The following DARS2 variants were observed in gnomAD, a reference collection of about 807,000 sequenced individuals.
DARS2 encodes aspartyl-tRNA synthetase 2, mitochondrial, also known as aspartate--tRNA ligase, mitochondrial.
In DARS2, 63 loss-of-function variants were observed where a neutral mutation model predicts 83.0. The observed-to-expected ratio is 0.76, with a 90% CI of 0.62 to 0.94. DARS2 has a LOEUF of 0.94. DARS2 is among the 40% of genes least tolerant of loss of function. The pLI, the probability that DARS2 is intolerant of heterozygous loss-of-function variation, is 0.00. For missense variants in DARS2, 675 were observed against 774.4 expected, an observed-to-expected ratio of 0.87 and a Z score of 1.52; for synonymous variants, 250 against 269.3, an observed-to-expected ratio of 0.93 and a Z score of 0.70.
At chr1:173,853,637 T>A in intron 14 of DARS2, 70 bp downstream of exon 14, 1 of 1,583,694 alleles carries the variant, frequency 6.3e-7, no homozygotes, top group Non-Finnish European at 8.7e-7. Flanking sequence ...GACTTCAAGG[T>A]CTGATGAAAG....
intron 13 of DARS2, among the ~76,000 whole-genome samples, chr1:173,851,268 T>G (rs1343616679): frequency 9.9e-5 from 12 of 121,194 alleles, no homozygotes; most frequent in Admixed American, 2.4e-4. Flanking sequence ...AAAAAAAGGG[T>G]TTTTTTTCAT....
At chr1:173,837,544 G>A (rs1355218377) in intron 8 of DARS2, among the ~76,000 whole-genome samples, 2 of 152,196 alleles carry the variant, frequency 1.3e-5, no homozygotes, top group East Asian at 3.8e-4. Flanking sequence ...CCATGGCACA[G>A]TAAAGATTTC....
chr1:173,831,209 C>T (rs1652785545), intron 4 of DARS2, among the ~76,000 whole-genome samples: 1 of 146,328 alleles, frequency 6.8e-6, no homozygotes, highest in South Asian at 2.1e-4. Context: ...GCCACCGTGC[C>T]TGGCCCTTTT....
chr1:173,841,480 C>T (rs1395125664), intron 11 of DARS2, among the ~76,000 whole-genome samples: 3 of 151,940 alleles, frequency 2.0e-5, no homozygotes, highest in Non-Finnish European at 2.9e-5. Flanking sequence ...ATTCCAGATC[C>T]GGGGTGTTTT....
chr1:173,837,051 G>C lies in DARS2; in HGVS notation c.770+5G>C, dbSNP rs113699624. The stretch of plus-strand genomic sequence containing the variant: ...GATGGTTGGCGGTTTAGACAGGTGA[G>C]CTTTTTTTATGCTAGCAGTTGTCAG... On this transcript the variant is annotated splice_donor_5th_base_variant and intron_variant, in intron 8 of 16. Transcript: ENST00000649689. The C allele has an allele frequency of 5.6e-6, 9 of 1,610,896 alleles. No individual in the cohort carries two copies. Among genetic ancestry groups the C allele is most frequent in the Non-Finnish European group, 7.6e-6 (9 of 1,177,204 alleles).
Position 173,837,041 on chromosome 1 carries a change from A to G in DARS2, c.765A>G (p.Leu255=), listed in dbSNP as rs760016649. ...QFKQLLMVGG[L]DRYFQVARCY... is the part of the protein sequence containing the mutation. ...AGCAACTTCTGATGGTTGGCGGTTT[A>G]GACAGGTGAGCTTTTTTTATGCTAG... Residue 255 remains leucine (L), a synonymous_variant, in exon 8 of 17, where the codon TTA becomes TTG. Coordinates refer to ENST00000649689, the MANE Select transcript of DARS2 (RefSeq NM_018122.5). 87 of 1,613,454 alleles carry G rather than the reference A, an allele frequency of 5.4e-5. No homozygotes were observed. Among genetic ancestry groups the G allele is most frequent in the Middle Eastern group, 1.7e-4 (1 of 6,060 alleles).
chr1:173,842,938 TAAAAAAAAAAA>T (rs532765288), intron 11 of DARS2, among the ~76,000 whole-genome samples: 3 of 120,236 alleles, frequency 2.5e-5, no homozygotes, highest in African/African-American at 9.5e-5. Flanking sequence ...CACTCCATCT[TAAAAAAAAAAA>T]AAAAAAAAGT....
chr1:173,827,918 T>C (rs1652645594), intron 2 of DARS2, among the ~76,000 whole-genome samples: 1 of 152,242 alleles, frequency 6.6e-6, no homozygotes, highest in African/African-American at 2.4e-5. Context: ...CAGATGTTTC[T>C]ATTATGCTAA....
chr1:173,849,421 C>A (rs952246183), intron 12 of DARS2, among the ~76,000 whole-genome samples: 1 of 151,248 alleles, frequency 6.6e-6, no homozygotes, highest in African/African-American at 2.4e-5. Flanking sequence ...GTAATCCCAG[C>A]GACTAGGGAG....
Position 173,850,407 on chromosome 1 carries a change from G to A in DARS2, c.1272G>A (p.Leu424=). 6.2e-7 allele frequency: 1 copy of A among 1,613,858 alleles called. No homozygotes were observed. Among genetic ancestry groups the A allele is most frequent in the Non-Finnish European group, 8.5e-7 (1 of 1,179,930 alleles). ...VANFIMESQR[L]ELIRLMETQE... ...ATTTCATAATGGAGTCACAAAGACTGGAATTAATCAGACTAATGGAGACCC... is the reference window on the plus strand; with the variant it reads ...ATTTCATAATGGAGTCACAAAGACTAGAATTAATCAGACTAATGGAGACCC... Residue 424 remains leucine (L), a synonymous_variant, in exon 13 of 17, where the codon CTG becomes CTA. Transcript: ENST00000649689.
intron 12 of DARS2, among the ~76,000 whole-genome samples, chr1:173,847,685 C>T (rs1022149527): frequency 3.9e-5 from 6 of 151,968 alleles, no homozygotes; most frequent in African/African-American, 1.5e-4. Flanking sequence ...TAGTATTCTG[C>T]CAGAGTATCT....
chr1:173,850,231 A>T, intron 12 of DARS2, 96 bp from the exon 13 acceptor site: 1 of 1,335,236 alleles, frequency 7.5e-7, no homozygotes, highest in Middle Eastern at 2.6e-4. Context: ...ATTCTCTTCT[A>T]TTGGGAACCG....
chr1:173,830,304 C>T (rs371734885), intron 3 of DARS2, among the ~76,000 whole-genome samples: 16 of 152,144 alleles, frequency 1.1e-4, no homozygotes, highest in African/African-American at 3.9e-4. Context: ...ACTCCTTTGA[C>T]TCTGACCCAT....
In DARS2 at chr1:173,825,383, A is replaced by G. The variant is rs201081133; in HGVS notation, c.127+27A>G. 2,134 of 1,608,530 alleles carry G rather than the reference A, an allele frequency of 1.3e-3. 30 individuals carry two copies. In the South Asian group the frequency reaches 0.016, roughly 12 times the overall value. On this transcript the variant is annotated intron_variant, in intron 1 of 16. Coordinates refer to ENST00000649689, the MANE Select transcript of DARS2 (RefSeq NM_018122.5). ...TGAAAATAGCGAAGAGATCTATCCT[A>G]TGAACAGTACTTCAGCCTGTTATCT... is the stretch of plus-strand genomic sequence containing the variant.
At chr1:173,842,330 GCT>G (rs1653260746) in intron 11 of DARS2, among the ~76,000 whole-genome samples, 1 of 92,990 alleles carries the variant, frequency 1.1e-5, no homozygotes, top group Non-Finnish European at 1.9e-5. Context: ...AGTGAGTCTT[GCT>G]CTGTCGCCCA....
intron 9 of DARS2, among the ~76,000 whole-genome samples, 163 bp downstream of exon 9, chr1:173,838,422 T>A (rs532101332): frequency 6.6e-6 from 1 of 152,264 alleles, no homozygotes; most frequent in East Asian, 1.9e-4. Flanking sequence ...TTCTTTTTTT[T>A]TTATTCATTT....
intron 13 of DARS2, among the ~76,000 whole-genome samples, chr1:173,853,072 C>T (rs1653733650): frequency 6.6e-6 from 1 of 152,200 alleles, no homozygotes; most frequent in Admixed American, 6.5e-5. Context: ...ATTAGCCACA[C>T]TGAGATTCAG....
At chr1:173,834,657 T>C (rs1449715328) in intron 7 of DARS2, 138 bp downstream of exon 7, 6 of 479,410 alleles carry the variant, frequency 1.3e-5, no homozygotes, top group African/African-American at 4.0e-5. Context: ...TTCTGAAGAA[T>C]TGAGAAAATT....
chr1:173,854,039 A>G lies in DARS2; in HGVS notation c.1674+134A>G, dbSNP rs1653774893. The G allele has an allele frequency of 1.1e-5, 8 of 752,864 alleles. No individual in the cohort carries two copies. The Admixed American group carries it at 1.6e-4, about 15-fold the overall frequency. The allele number at this position is 752,864 out of a possible 1,614,324, so 46.6% of individuals were successfully genotyped here. ...CACCCAGGCAGGTGTCTACTGGTGC[A>G]TTCATAGCTCACTGCAATCTCAGTC... On this transcript the variant is annotated intron_variant, in intron 15 of 16. Coordinates refer to ENST00000649689, the MANE Select transcript of DARS2 (RefSeq NM_018122.5).
Sources: allele counts gnomAD v4.1 joint callset (sites outside exome capture counted in the v4.1 genomes callset), GRCh38; gene constraint gnomAD v4.1.1; transcripts MANE v1.5; gene names NCBI Gene and HGNC (gene_info 2026-07-23, HGNC 2026-07-21).